The following BAD variants were observed in gnomAD, a reference collection of about 807,000 sequenced individuals.
The protein encoded by BAD is bcl2-associated agonist of cell death.
Under a neutral mutation model 17.8 loss-of-function variants are expected in BAD, and 18 were observed. The ratio of observed to expected loss-of-function variants is 1.01; its 90% CI spans 0.70 to 1.50. The LOEUF (loss-of-function observed/expected upper bound fraction) is 1.50, where lower values mean the gene tolerates loss of function less well. Among genes scored for constraint, BAD ranks in the 40% most tolerant of loss-of-function variants. The pLI is 0.00. For synonymous variants in BAD, 112 were observed against 91.5 expected, an observed-to-expected ratio of 1.22 and a Z score of -1.28; for missense variants, 294 against 239.3, an observed-to-expected ratio of 1.23 and a Z score of -1.51.
intron 3 of BAD, among the ~76,000 whole-genome samples, chr11:64,270,927 ACACACG>A: frequency 2.1e-5 from 2 of 94,050 alleles, no homozygotes; most frequent in African/African-American, 3.4e-5. Context: ...ACACACACAC[ACACACG>A]CCTGGAGTGG....
intron 1 of BAD, 42 bp downstream of exon 1, chr11:64,284,589 C>G (rs965347800): frequency 6.7e-7 from 1 of 1,496,088 alleles, no homozygotes; most frequent in African/African-American, 1.4e-5. Context: ...CCCGGTGGAC[C>G]CAGGCCCCGC....
At chr11:64,278,811 A>G (rs1454494722) in intron 2 of BAD, among the ~76,000 whole-genome samples, 3 of 152,238 alleles carry the variant, frequency 2.0e-5, no homozygotes, top group Non-Finnish European at 4.4e-5. Flanking sequence ...GGCAGGGACT[A>G]TGAGGAGTGA....
rs200458741 is a variant in BAD at position 64,272,211 on chromosome 11, C to T, written c.188-408G>A. ...GCACGTGCCTATAGTCCCAGTTACTCGGGAGGCTGAGGCAGAAGAATCGTT... is the reference window on the plus strand; with the variant it reads ...GCACGTGCCTATAGTCCCAGTTACTTGGGAGGCTGAGGCAGAAGAATCGTT... On this transcript the variant is annotated intron_variant, in intron 2 of 3. Coordinates refer to ENST00000309032, the MANE Select transcript of BAD (RefSeq NM_032989.3). 2.6e-5 allele frequency among the ~76,000 whole-genome samples: 4 copies of T among 151,952 alleles called. No homozygotes were observed. The East Asian group carries it at 7.7e-4, about 29-fold the overall frequency.
chr11:64,284,355 G>A lies in BAD; in HGVS notation c.14C>T (p.Pro5Leu), dbSNP rs752307890. The change falls in exon 2 of 4, where the codon CCA becomes CTA. Residue 5 changes from proline to leucine, a missense_variant. By Grantham distance (98) the Pro-to-Leu change is moderately conservative (BLOSUM62 -3). Transcript: ENST00000309032. MFQIPEFEPSEQEDS... is the reference protein window; with the variant it reads MFQILEFEPSEQEDS... ...TTCCTGCTCACTCGGCTCAAACTCTGGGATCTGGAACATGCTCTGGGCTGT... is the reference window on the plus strand; with the variant it reads ...TTCCTGCTCACTCGGCTCAAACTCTAGGATCTGGAACATGCTCTGGGCTGT... 1.2e-6 allele frequency: 2 copies of A among 1,612,956 alleles called. No individual in the cohort carries two copies. The highest frequency in any genetic ancestry group is 1.7e-5 in the Admixed American group (1 of 60,034).
chr11:64,282,030 T>C (rs1455777234), intron 2 of BAD, among the ~76,000 whole-genome samples: 2 of 152,174 alleles, frequency 1.3e-5, no homozygotes, highest in Non-Finnish European at 2.9e-5. Context: ...CTCTTAACTC[T>C]TTTACATGCT....
chr11:64,280,515 C>CCAATAA (rs2033394204), intron 2 of BAD, among the ~76,000 whole-genome samples: 1 of 147,634 alleles, frequency 6.8e-6, no homozygotes, highest in African/African-American at 2.5e-5. Context: ...CCACGCCCGG[C>CCAATAA]TAATTTTTTG....
chr11:64,278,218 C>T (rs1371073264), intron 2 of BAD, among the ~76,000 whole-genome samples: 1 of 151,770 alleles, frequency 6.6e-6, no homozygotes. Flanking sequence ...GGCTGGAGCC[C>T]AGAAATTTGA....
intron 2 of BAD, among the ~76,000 whole-genome samples, chr11:64,279,516 C>A (rs1391918092): frequency 6.6e-6 from 1 of 152,218 alleles, no homozygotes; most frequent in South Asian, 2.1e-4. Flanking sequence ...CCTGTAATCC[C>A]AGCATTTTGG....
intron 3 of BAD, among the ~76,000 whole-genome samples, chr11:64,271,088 C>CACACACACA (rs1565344268): frequency 6.1e-4 from 1 of 1,652 alleles, no homozygotes; most frequent in Non-Finnish European, 3.0e-3. Context: ...CACACACACA[C>CACACACACA]CTGGAGTGGG....
chr11:64,277,224 G>A (rs1392184505), intron 2 of BAD, among the ~76,000 whole-genome samples: 1 of 152,146 alleles, frequency 6.6e-6, no homozygotes, highest in African/African-American at 2.4e-5. Flanking sequence ...ATCTGCTGCC[G>A]GGGGAGGCTG....
chr11:64,272,717 G>C (rs1382632381), intron 2 of BAD: 1 of 152,246 alleles, frequency 6.6e-6, no homozygotes, highest in Non-Finnish European at 1.5e-5. Context: ...GTTAAGACTT[G>C]CCCAGTTTCT....
chr11:64,282,366 C>A (rs545325423), intron 2 of BAD, among the ~76,000 whole-genome samples: 3 of 151,244 alleles, frequency 2.0e-5, no homozygotes, highest in South Asian at 4.2e-4. Flanking sequence ...GTCTGGGAGG[C>A]CAAGGTGAGA....
At chr11:64,282,865 T>G in intron 2 of BAD, among the ~76,000 whole-genome samples, 3 of 129,408 alleles carry the variant, frequency 2.3e-5, no homozygotes, top group Non-Finnish European at 1.6e-5. Flanking sequence ...GGCAGCAGAG[T>G]GAGACTCCGT....
chr11:64,276,952 G>A, intron 2 of BAD: 2 of 755,676 alleles, frequency 2.6e-6, no homozygotes, highest in South Asian at 2.8e-5. Context: ...CAGCGGCTGG[G>A]GCGGACATCC....
intron 2 of BAD, among the ~76,000 whole-genome samples, chr11:64,274,666 C>A (rs1476861101): frequency 3.3e-5 from 5 of 152,052 alleles, no homozygotes; most frequent in Non-Finnish European, 5.9e-5. Flanking sequence ...ACTAAAAACA[C>A]AAAAATTAGC....
chr11:64,274,058 G>C (rs1478492978), intron 2 of BAD, among the ~76,000 whole-genome samples: 1 of 152,134 alleles, frequency 6.6e-6, no homozygotes, highest in East Asian at 1.9e-4. Context: ...GGGCCTCCAG[G>C]GGTCCCAGCT....
intron 2 of BAD, among the ~76,000 whole-genome samples, chr11:64,281,998 C>G (rs1037420848): frequency 6.6e-6 from 1 of 152,186 alleles, no homozygotes; most frequent in African/African-American, 2.4e-5. Flanking sequence ...GAATTACAGG[C>G]GTGAGCCACC....
chr11:64,275,979 A>C (rs545063223), intron 2 of BAD, among the ~76,000 whole-genome samples: 1 of 152,072 alleles, frequency 6.6e-6, no homozygotes, highest in African/African-American at 2.4e-5. Flanking sequence ...GCCCAAGGTC[A>C]CTGATCTAGT....
chr11:64,270,559 G>T, intron 3 of BAD: 1 of 723,428 alleles, frequency 1.4e-6, no homozygotes, highest in Non-Finnish European at 2.5e-6. Flanking sequence ...GCCGGAGACG[G>T]GAAGAGAGGA....
Sources: gnomAD v4.1 joint callset for allele counts (sites outside exome capture counted in the v4.1 genomes callset) on GRCh38, gnomAD v4.1.1 for gene constraint, MANE v1.5 for transcripts, NCBI Gene and HGNC (gene_info 2026-07-23, HGNC 2026-07-21) for gene names.